The following FHIT variants were observed in gnomAD, a reference collection of about 807,000 sequenced individuals.
FHIT encodes bis(5'-adenosyl)-triphosphatase.
In FHIT, 19 loss-of-function variants were observed where a neutral mutation model predicts 17.9. The observed-to-expected ratio is 1.06, with a 90% confidence interval of 0.74 to 1.56. The LOEUF is 1.56. Ranked by LOEUF, FHIT falls within the 40% of genes most tolerant of loss-of-function variation. The pLI is 0.00. For missense variants in FHIT, 248 were observed against 189.2 expected, an observed-to-expected ratio of 1.31 and a Z score of -1.82; for synonymous variants, 81 against 69.7, an observed-to-expected ratio of 1.16 and a Z score of -0.81.
chr3:60,702,957 C>CTGA (rs1257483181), intron 4 of FHIT, among the ~76,000 whole-genome samples: 1 of 152,078 alleles, frequency 6.6e-6, no homozygotes, highest in Non-Finnish European at 1.5e-5. Context: ...AGTATGCATA[C>CTGA]TGAGTTGAAT....
intron 2 of FHIT, among the ~76,000 whole-genome samples, chr3:61,188,181 C>G (rs956636098): frequency 3.3e-5 from 5 of 152,022 alleles, no homozygotes; most frequent in African/African-American, 1.2e-4. Context: ...TGATAGACCG[C>G]TAGCAAGACT....
chr3:60,386,681 G>T (rs996482453), intron 5 of FHIT, among the ~76,000 whole-genome samples: 4 of 152,108 alleles, frequency 2.6e-5, no homozygotes, highest in Admixed American at 2.6e-4. Flanking sequence ...GCACACATGG[G>T]TCAAAATCAC....
At chr3:60,034,788 T>C (rs1701145781) in intron 5 of FHIT, among the ~76,000 whole-genome samples, 1 of 152,170 alleles carries the variant, frequency 6.6e-6, no homozygotes, top group Admixed American at 6.5e-5. Flanking sequence ...AAAAACTGCA[T>C]TAGAATGATA....
chr3:60,327,786 T>C (rs538437956), intron 5 of FHIT, among the ~76,000 whole-genome samples: 68 of 152,292 alleles, frequency 4.5e-4, no homozygotes, highest in African/African-American at 1.6e-3. Context: ...AAATGACCTA[T>C]ATTAGGGTCC....
intron 4 of FHIT, among the ~76,000 whole-genome samples, chr3:60,662,510 T>C (rs1304778830): frequency 6.6e-6 from 1 of 152,168 alleles, no homozygotes. Flanking sequence ...TTAGTCTTGC[T>C]TTGGCTTTGT....
intron 5 of FHIT, among the ~76,000 whole-genome samples, chr3:60,181,813 T>C (rs1259754867): frequency 1.3e-5 from 2 of 152,190 alleles, no homozygotes; most frequent in Admixed American, 1.3e-4. Context: ...CTGACAGTTA[T>C]ATCCTTCATA....
At chr3:61,112,193 G>A (rs564347122) in intron 2 of FHIT, among the ~76,000 whole-genome samples, 7 of 152,004 alleles carry the variant, frequency 4.6e-5, no homozygotes, top group Admixed American at 1.3e-4. Flanking sequence ...GAAGGTATGC[G>A]GAATAATTCG....
intron 4 of FHIT, among the ~76,000 whole-genome samples, chr3:60,614,548 G>A (rs908543981): frequency 6.6e-6 from 1 of 152,064 alleles, no homozygotes; most frequent in Non-Finnish European, 1.5e-5. Context: ...AGGTTGCAGT[G>A]AGACGAGATC....
intron 5 of FHIT, among the ~76,000 whole-genome samples, chr3:60,486,668 T>C (rs1193553224): frequency 6.6e-6 from 1 of 152,158 alleles, no homozygotes; most frequent in Non-Finnish European, 1.5e-5. Context: ...TCTTAATAAC[T>C]TCAAATATCA....
intron 8 of FHIT, among the ~76,000 whole-genome samples, chr3:59,754,289 T>G (rs931695434): frequency 1.3e-5 from 2 of 152,208 alleles, no homozygotes; most frequent in African/African-American, 4.8e-5. Context: ...GGATCTTCCC[T>G]TCAGAATTTG....
Position 60,538,979 on chromosome 3 carries a change from G to T in FHIT, c.-17-2000C>A, listed in dbSNP as rs538315205. On this transcript the variant is annotated intron_variant, in intron 4 of 9. Transcript: ENST00000492590. ...ACTAAAGAGCTTCTGCACAGCAAAA[G>T]AATCTACCATCAGAGTGAACAGGCA... Among the ~76,000 whole-genome samples the T allele has an allele frequency of 3.9e-5, 6 of 152,134 alleles. No individual in the cohort carries two copies. The South Asian group carries it at 1.0e-3, about 26-fold the overall frequency.
chr3:60,463,157 A>G (rs72878727), intron 5 of FHIT, among the ~76,000 whole-genome samples: 6,416 of 152,274 alleles, frequency 0.042, 434 homozygotes, highest in African/African-American at 0.14. Flanking sequence ...GGCAACAGAT[A>G]TATCACATCA....
At position 60,576,933 on chromosome 3, in the gene FHIT, T is replaced by G. The variant is rs936485098; in HGVS notation, c.-17-39954A>C. Among the ~76,000 whole-genome samples, 3 of 111,920 alleles carry G rather than the reference T, an allele frequency of 2.7e-5. No individual in the cohort carries two copies. The Admixed American group carries it at 3.1e-4, about 11-fold the overall frequency. 73.4% of individuals were successfully genotyped at this position (111,920 alleles called of 152,430 possible). On this transcript the variant is annotated intron_variant, in intron 4 of 9. Coordinates refer to ENST00000492590, the MANE Select transcript of FHIT (RefSeq NM_002012.4). ...CATAGCTTCTGGGTCTAATTACATA[T>G]TTGCATCCATTTGCATACACACACA...
At chr3:59,989,918 C>T (rs751863690) in intron 7 of FHIT, among the ~76,000 whole-genome samples, 1 of 152,060 alleles carries the variant, frequency 6.6e-6, no homozygotes, top group African/African-American at 2.4e-5. Flanking sequence ...TCTTCCTCCA[C>T]AGAGAACTTT....
chr3:60,744,255 A>AAC (rs2042300946), intron 4 of FHIT, among the ~76,000 whole-genome samples: 1 of 54,608 alleles, frequency 1.8e-5, no homozygotes, highest in African/African-American at 8.5e-5. Flanking sequence ...GTAAAAAAAA[A>AAC]AACAAAACAA....
chr3:60,023,237 G>C (rs1224641684), intron 5 of FHIT, among the ~76,000 whole-genome samples: 1 of 152,146 alleles, frequency 6.6e-6, no homozygotes, highest in African/African-American at 2.4e-5. Context: ...TCTGTAAAAA[G>C]CTTTTTAGTG....
At position 59,748,886 on chromosome 3, in the gene FHIT, G is replaced by C. The variant is rs1026160595; in HGVS notation, c.*699C>G. ...CTTATAAATTCTTAGCAAGTGTGTT[G>C]GCTAGTGTTATCAATTCCAGGGCTG... is the stretch of plus-strand genomic sequence containing the variant. On this transcript the variant is annotated 3_prime_UTR_variant, in exon 10 of 10. Transcript: ENST00000492590. 1.3e-5 allele frequency among the ~76,000 whole-genome samples: 2 copies of C among 152,152 alleles called. No individual in the cohort carries two copies. The highest frequency in any genetic ancestry group is 4.8e-5 in the African/African-American group (2 of 41,450).
At chr3:59,880,358 C>T (rs553883439) in intron 8 of FHIT, among the ~76,000 whole-genome samples, 22 of 152,290 alleles carry the variant, frequency 1.4e-4, no homozygotes, top group East Asian at 3.9e-4. Context: ...CCTTGCCCTT[C>T]GGTTTCAAAG....
intron 5 of FHIT, among the ~76,000 whole-genome samples, chr3:60,126,492 A>T (rs185059865): frequency 6.6e-6 from 1 of 152,328 alleles, no homozygotes; most frequent in Admixed American, 6.5e-5. Flanking sequence ...CATAACAAAC[A>T]GCTACCGTTT....
Sources: gnomAD v4.1 joint callset for allele counts (sites outside exome capture counted in the v4.1 genomes callset) on GRCh38, gnomAD v4.1.1 for gene constraint, MANE v1.5 for transcripts, NCBI Gene and HGNC (gene_info 2026-07-23, HGNC 2026-07-21) for gene names.